The following MPPED2 variants were observed in gnomAD, a reference collection of about 807,000 sequenced individuals.
The protein encoded by MPPED2 is metallophosphoesterase MPPED2.
Under a neutral mutation model 33.0 loss-of-function variants are expected in MPPED2, and 5 were observed. That is an observed-to-expected ratio of 0.15 (90% CI 0.08 to 0.32). The LOEUF (loss-of-function observed/expected upper bound fraction) is 0.32. Among genes scored for constraint, MPPED2 ranks in the 10% least tolerant of loss-of-function variants. The pLI is 1.00. For missense variants in MPPED2, 275 were observed against 372.1 expected (o/e 0.74, Z 2.15); for synonymous variants, 136 against 141.9 (o/e 0.96, Z 0.29).
chr11:30,462,235 A>G (rs887310589), intron 4 of MPPED2, among the ~76,000 whole-genome samples: 2 of 152,214 alleles, frequency 1.3e-5, no homozygotes, highest in Non-Finnish European at 2.9e-5. Context: ...GTAATCAAAG[A>G]TAGAAGCATT....
chr11:30,578,911 C>A (rs1957042559), intron 2 of MPPED2, among the ~76,000 whole-genome samples: 2 of 151,990 alleles, frequency 1.3e-5, no homozygotes, highest in African/African-American at 4.8e-5. Context: ...TGTTAGCGAT[C>A]CTTCATAATC....
intron 1 of MPPED2, among the ~76,000 whole-genome samples, chr11:30,582,838 C>G (rs934580785): frequency 5.9e-5 from 9 of 152,150 alleles, no homozygotes; most frequent in African/African-American, 2.2e-4. Context: ...AAGCACAGGC[C>G]CCTGTAACTC....
At chr11:30,540,653 G>C (rs551984447) in intron 2 of MPPED2, among the ~76,000 whole-genome samples, 10 of 152,128 alleles carry the variant, frequency 6.6e-5, no homozygotes, top group Middle Eastern at 3.4e-3. Flanking sequence ...GGGACTTTGT[G>C]AGAATTAAAA....
rs986728596 is a variant in MPPED2 at position 30,580,169 on chromosome 11, T to G, written c.128+77A>C. On this transcript the variant is annotated intron_variant, in intron 2 of 6. Transcript: ENST00000358117. ...ACCTTTTAGTCTCCCTAGCAGAAGT[T>G]AATAGTGAATGCTTTTCTTTTTTTT... 4.1e-6 allele frequency: 6 copies of G among 1,448,608 alleles called. No homozygotes were observed. In the African/African-American group the frequency reaches 7.2e-5, roughly 17 times the overall value. 89.7% of individuals were successfully genotyped at this position (1,448,608 alleles called of 1,614,324 possible).
chr11:30,440,996 T>C (rs546965963), intron 4 of MPPED2, among the ~76,000 whole-genome samples: 1 of 152,184 alleles, frequency 6.6e-6, no homozygotes, highest in Non-Finnish European at 1.5e-5. Context: ...TCTCAGAGCC[T>C]TTAGTACATT....
chr11:30,410,401 G>C lies in MPPED2; in HGVS notation c.*1067C>G. On this transcript the variant is annotated 3_prime_UTR_variant, in exon 7 of 7. Coordinates refer to ENST00000358117, the MANE Select transcript of MPPED2 (RefSeq NM_001584.3). ...ATGACTATTAGCGACAATATTTTGT[G>C]CTAGCGAAGATTGCATCGACACACA... is the stretch of plus-strand genomic sequence containing the variant. 7 of 985,776 alleles carry C rather than the reference G, an allele frequency of 7.1e-6. No individual in the cohort carries two copies. The highest frequency in any genetic ancestry group is 8.4e-6 in the Non-Finnish European group (7 of 829,868). The allele number at this position is 985,776 out of a possible 1,614,324, so 61.1% of individuals were successfully genotyped here. A position where few individuals can be genotyped will look rare whatever the true frequency, so the allele number is the denominator to read the frequency against.
chr11:30,496,375 AG>A (rs1216247384), intron 3 of MPPED2, among the ~76,000 whole-genome samples: 1 of 152,216 alleles, frequency 6.6e-6, no homozygotes, highest in Non-Finnish European at 1.5e-5. Flanking sequence ...GAAAATCCAA[AG>A]GGAGATAGTG....
intron 6 of MPPED2, among the ~76,000 whole-genome samples, chr11:30,398,733 T>C (rs1358712958): frequency 6.6e-6 from 1 of 152,138 alleles, no homozygotes; most frequent in Non-Finnish European, 1.5e-5. Context: ...TAAACTTTCC[T>C]TAATATCAGA....
chr11:30,521,986 C>T (rs753236680), intron 3 of MPPED2, among the ~76,000 whole-genome samples: 1 of 152,198 alleles, frequency 6.6e-6, no homozygotes, highest in Non-Finnish European at 1.5e-5. Flanking sequence ...TGTCTTGTCA[C>T]TTAATATACA....
intron 2 of MPPED2, among the ~76,000 whole-genome samples, chr11:30,567,898 A>C (rs1956515632): frequency 6.6e-6 from 1 of 152,154 alleles, no homozygotes; most frequent in Non-Finnish European, 1.5e-5. Flanking sequence ...CAGAGACTCA[A>C]TCCTTCCCTC....
At chr11:30,492,983 G>A (rs1302183421) in intron 4 of MPPED2, among the ~76,000 whole-genome samples, 1 of 152,154 alleles carries the variant, frequency 6.6e-6, no homozygotes, top group Non-Finnish European at 1.5e-5. Context: ...AAAAAATGTA[G>A]GACAATGCCT....
intron 4 of MPPED2, among the ~76,000 whole-genome samples, chr11:30,474,157 T>C (rs1951073491): frequency 6.6e-6 from 1 of 152,224 alleles, no homozygotes; most frequent in African/African-American, 2.4e-5. Context: ...CTGGGCTTAA[T>C]GGAAGTTTAA....
chr11:30,574,793 T>C (rs1429359427), intron 2 of MPPED2, among the ~76,000 whole-genome samples: 2 of 152,166 alleles, frequency 1.3e-5, no homozygotes, highest in African/African-American at 4.8e-5. Flanking sequence ...GTTTTAATCA[T>C]AAAAGTGTTA....
chr11:30,393,205 A>G (rs1188383708), intron 6 of MPPED2, among the ~76,000 whole-genome samples: 1 of 152,126 alleles, frequency 6.6e-6, no homozygotes, highest in African/African-American at 2.4e-5. Flanking sequence ...GGAAGCCCAC[A>G]GCCAGTGTCC....
intron 2 of MPPED2, among the ~76,000 whole-genome samples, chr11:30,560,333 C>T (rs1956183610): frequency 6.6e-6 from 1 of 151,432 alleles, no homozygotes; most frequent in South Asian, 2.1e-4. Flanking sequence ...AATATGTTAA[C>T]CATTTTCTGT....
intron 2 of MPPED2, among the ~76,000 whole-genome samples, chr11:30,551,663 C>T (rs2134631601): frequency 6.6e-6 from 1 of 152,228 alleles, no homozygotes; most frequent in Admixed American, 6.5e-5. Flanking sequence ...AAAAGAAAAA[C>T]AGATGGTTTA....
At chr11:30,438,709 C>T (rs1174894514) in intron 4 of MPPED2, among the ~76,000 whole-genome samples, 1 of 152,188 alleles carries the variant, frequency 6.6e-6, no homozygotes, top group Non-Finnish European at 1.5e-5. Context: ...ATCTGTACTA[C>T]CTGCCAGAAT....
At chr11:30,546,002 G>A (rs915753789) in intron 2 of MPPED2, among the ~76,000 whole-genome samples, 1 of 152,088 alleles carries the variant, frequency 6.6e-6, no homozygotes, top group African/African-American at 2.4e-5. Context: ...TGGGACTGCA[G>A]GTGTCTGCCA....
chr11:30,392,209 G>C (rs1395959596), intron 6 of MPPED2, among the ~76,000 whole-genome samples: 3 of 152,130 alleles, frequency 2.0e-5, no homozygotes, highest in Non-Finnish European at 4.4e-5. Flanking sequence ...CCCTCTAATG[G>C]TTTCTTTGTT....
Sources: gnomAD v4.1 joint callset for allele counts (sites outside exome capture counted in the v4.1 genomes callset) on GRCh38, gnomAD v4.1.1 for gene constraint, MANE v1.5 for transcripts, NCBI Gene and HGNC (gene_info 2026-07-23, HGNC 2026-07-21) for gene names.